AAMDC: variants seen among roughly 807,000 people sequenced by gnomAD.
AAMDC encodes mth938 domain-containing protein.
In AAMDC, 16 loss-of-function variants were observed where a neutral mutation model predicts 15.5. That is an observed-to-expected ratio of 1.03 (90% CI 0.70 to 1.57). The LOEUF is 1.57. Ranked by LOEUF, AAMDC falls within the 40% of genes most tolerant of loss-of-function variation. AAMDC has a pLI of 0.00. For missense variants in AAMDC, 141 were observed against 144.9 expected (o/e 0.97, Z 0.14); for synonymous variants, 51 against 51.6 (o/e 0.99, Z 0.05).
At chr11:77,841,366 G>A (rs1039570764) in intron 1 of AAMDC, 3 of 584,196 alleles carry the variant, frequency 5.1e-6, no homozygotes, top group African/African-American at 3.7e-5. Flanking sequence ...TGTTCTGTTA[G>A]AGTTTTTTCC....
At chr11:77,823,071 G>T (rs967354449) in intron 1 of AAMDC, among the ~76,000 whole-genome samples, 5 of 151,910 alleles carry the variant, frequency 3.3e-5, no homozygotes, top group African/African-American at 1.2e-4. Context: ...AAAATTAGCC[G>T]GGCGTGGTGG....
chr11:77,851,788 A>G (rs1415681917), intron 2 of AAMDC, among the ~76,000 whole-genome samples: 1 of 152,200 alleles, frequency 6.6e-6, no homozygotes, highest in African/African-American at 2.4e-5. Flanking sequence ...AGATGCTGGT[A>G]TCATGCTTGT....
intron 5 of AAMDC, among the ~76,000 whole-genome samples, chr11:77,887,867 A>G (rs377341508): frequency 6.6e-6 from 1 of 152,198 alleles, no homozygotes; most frequent in Non-Finnish European, 1.5e-5. Context: ...AACTTACAAG[A>G]GATGTGAAGG....
chr11:77,891,525 T>A, intron 5 of AAMDC: 1 of 1,597,276 alleles, frequency 6.3e-7, no homozygotes, highest in Non-Finnish European at 8.6e-7. Flanking sequence ...AGAAAACGCA[T>A]CTTTTTTCTG....
chr11:77,882,726 C>T (rs1477381308), intron 5 of AAMDC, among the ~76,000 whole-genome samples: 2 of 152,156 alleles, frequency 1.3e-5, no homozygotes, highest in African/African-American at 4.8e-5. Flanking sequence ...CCCTAACATC[C>T]AACAGCTTCA....
chr11:77,878,876 G>A, intron 5 of AAMDC: 1 of 1,084,490 alleles, frequency 9.2e-7, no homozygotes, highest in Non-Finnish European at 1.4e-6. Context: ...TCCAGGTGAA[G>A]TGCTTCAGGC....
At chr11:77,892,072 T>C (rs1339618700) in intron 5 of AAMDC, among the ~76,000 whole-genome samples, 1 of 152,220 alleles carries the variant, frequency 6.6e-6, no homozygotes, top group Non-Finnish European at 1.5e-5. Flanking sequence ...TCTTAAGTGT[T>C]TTACATGATC....
intron 5 of AAMDC, chr11:77,879,164 C>A: frequency 6.2e-7 from 1 of 1,607,674 alleles, no homozygotes; most frequent in South Asian, 1.1e-5. Context: ...TATAACTAGG[C>A]AACTGCTAGG....
At chr11:77,842,895 A>G (rs553703661) in intron 2 of AAMDC, among the ~76,000 whole-genome samples, 4 of 152,340 alleles carry the variant, frequency 2.6e-5, no homozygotes, top group Non-Finnish European at 5.9e-5. Flanking sequence ...CACCTCAGAA[A>G]GGAACCACAT....
chr11:77,898,757 C>T (rs1328247848), intron 5 of AAMDC, among the ~76,000 whole-genome samples: 7 of 152,162 alleles, frequency 4.6e-5, no homozygotes, highest in South Asian at 2.1e-4. Context: ...CGGTAGCTCA[C>T]GCCTGGAATC....
intron 1 of AAMDC, among the ~76,000 whole-genome samples, chr11:77,840,779 G>T (rs2033770713): frequency 1.3e-5 from 2 of 152,030 alleles, no homozygotes; most frequent in Non-Finnish European, 1.5e-5. Flanking sequence ...GTAATTTTTT[G>T]TTGAAGAGTG....
chr11:77,868,142 G>T (rs1453813358), intron 2 of AAMDC, among the ~76,000 whole-genome samples: 1 of 147,690 alleles, frequency 6.8e-6, no homozygotes, highest in Non-Finnish European at 1.5e-5. Flanking sequence ...TGCAAGCTCT[G>T]CCTCCCAGGT....
chr11:77,874,506 G>T (rs183327577), downstream of AAMDC, among the ~76,000 whole-genome samples: 62 of 152,156 alleles, frequency 4.1e-4, no homozygotes, highest in South Asian at 1.0e-3. Context: ...CTTAGAGACA[G>T]AAGTATCTGT....
chr11:77,884,387 A>ATC (rs1164003776), intron 5 of AAMDC, among the ~76,000 whole-genome samples: 1 of 152,112 alleles, frequency 6.6e-6, no homozygotes, highest in East Asian at 1.9e-4. Flanking sequence ...GAAGTCATTT[A>ATC]TCTCTCTCTC....
intron 5 of AAMDC, among the ~76,000 whole-genome samples, chr11:77,881,162 G>A (rs1403012277): frequency 1.3e-5 from 2 of 152,168 alleles, no homozygotes; most frequent in Non-Finnish European, 2.9e-5. Context: ...CAACTTCTGC[G>A]TCATGCCTGG....
chr11:77,872,258 T>C lies in AAMDC; in HGVS notation c.312T>C (p.Tyr104=). The change falls in exon 4 of 4, where the codon TAT becomes TAC. Residue 104 remains tyrosine, a synonymous_variant. Coordinates refer to ENST00000393427, the MANE Select transcript of AAMDC (RefSeq NM_024684.4). ...AGACAGAGCAGGCAGTGAAGGAGTATAATGCCTTGGTTGCCCAAGGGGTCA... is the reference window on the plus strand; with the variant it reads ...AGACAGAGCAGGCAGTGAAGGAGTACAATGCCTTGGTTGCCCAAGGGGTCA... ...VLQTEQAVKE[Y]NALVAQGVRV... 1 of 1,613,634 alleles carries C rather than the reference T, an allele frequency of 6.2e-7. No homozygotes were observed. The highest frequency in any genetic ancestry group is 8.5e-7 in the Non-Finnish European group (1 of 1,179,796).
intron 5 of AAMDC, among the ~76,000 whole-genome samples, chr11:77,899,956 T>G (rs1442754770): frequency 2.0e-5 from 3 of 152,112 alleles, no homozygotes; most frequent in Non-Finnish European, 4.4e-5. Flanking sequence ...CCTGTAATAT[T>G]TTAATTTTTC....
chr11:77,905,489 G>A (rs1051489748), downstream of AAMDC, among the ~76,000 whole-genome samples: 5 of 150,548 alleles, frequency 3.3e-5, no homozygotes, highest in South Asian at 2.1e-4. Context: ...ATAGCAAAAC[G>A]GACTCTCTGG....
At chr11:77,875,297 G>T (rs1055849690), downstream of AAMDC, among the ~76,000 whole-genome samples, 3 of 152,222 alleles carry the variant, frequency 2.0e-5, no homozygotes, top group Admixed American at 2.0e-4. Flanking sequence ...GTACAGATCA[G>T]TTGGAAGAAA....
Sources: gnomAD v4.1 joint callset for allele counts (sites outside exome capture counted in the v4.1 genomes callset) on GRCh38, gnomAD v4.1.1 for gene constraint, MANE v1.5 for transcripts, NCBI Gene and HGNC (gene_info 2026-07-23, HGNC 2026-07-21) for gene names.